Variants in CFAP46 observed in about 807,000 individuals in gnomAD.
CFAP46 encodes the protein cilia- and flagella-associated protein 46.
Under a neutral mutation model 325.7 loss-of-function variants are expected in CFAP46, and 245 were observed. The observed-to-expected ratio is 0.75, with a 90% CI of 0.68 to 0.84. The LOEUF is 0.84. Ranked by LOEUF, CFAP46 falls within the 40% of genes least tolerant of loss-of-function variation. The pLI, the probability that CFAP46 is intolerant of heterozygous loss-of-function variation, is 0.00. For missense variants in CFAP46, 3,346 were observed against 3,543.0 expected, an observed-to-expected ratio of 0.94 and a Z score of 1.41; for synonymous variants, 1,523 against 1,495.9, an observed-to-expected ratio of 1.02 and a Z score of -0.42.
intron 37 of CFAP46, among the ~76,000 whole-genome samples, 175 bp from the exon 38 acceptor site, chr10:132,859,422 T>TA (rs1323941902): frequency 6.6e-6 from 1 of 152,068 alleles, no homozygotes; most frequent in African/African-American, 2.4e-5. Flanking sequence ...TCGCATGTGA[T>TA]AAAATCAGAA....
At position 132,828,232 on chromosome 10, in the gene CFAP46, C is replaced by T. The variant is rs111350512; in HGVS notation, c.7117+5126G>A. On this transcript the variant is annotated intron_variant, in intron 50 of 57. Transcript: ENST00000368586. The surrounding 1 kb of genome is among the most constrained non-coding windows in gnomAD (Gnocchi z 4.9). ...CTCTTTGGTAGATGGAGTGGAATGA[C>T]TGCGGCATACAACAGGCCTGCTTTA... Among the ~76,000 whole-genome samples the T allele has an allele frequency of 1.3e-5, 2 of 152,352 alleles. No homozygotes were observed. Among genetic ancestry groups the T allele is most frequent in the African/African-American group, 4.8e-5 (2 of 41,578 alleles).
At chr10:132,865,262 C>T (rs1564784009) in intron 35 of CFAP46, among the ~76,000 whole-genome samples, 2 of 152,218 alleles carry the variant, frequency 1.3e-5, no homozygotes, top group Non-Finnish European at 2.9e-5. Flanking sequence ...CACCCGTGGG[C>T]CTCCATCCAT....
chr10:132,919,295 T>C lies in CFAP46; in HGVS notation c.1858+20A>G. Reference sequence around the variant, plus strand: ...CGGCCGTGGCCAGGCTGGGACACACTCGTGAGGGCGGGTACGAACCTCGCC... The same window carrying C: ...CGGCCGTGGCCAGGCTGGGACACACCCGTGAGGGCGGGTACGAACCTCGCC... On this transcript the variant is annotated intron_variant, in intron 15 of 57. Coordinates refer to ENST00000368586, the MANE Select transcript of CFAP46 (RefSeq NM_001200049.3). The surrounding 1 kb of genome is among the most constrained non-coding windows in gnomAD (Gnocchi z 9.7). The C allele has an allele frequency of 6.5e-7, 1 of 1,544,652 alleles. No homozygotes were observed. The highest frequency in any genetic ancestry group is 8.7e-7 in the Non-Finnish European group (1 of 1,143,500).
chr10:132,836,712 T>A, intron 45 of CFAP46, 105 bp downstream of exon 45: 5 of 944,370 alleles, frequency 5.3e-6, no homozygotes, highest in Non-Finnish European at 8.4e-6. Flanking sequence ...GTCCCAGGCC[T>A]CCCTGGGGTG....
At chr10:132,809,305 A>G (rs1019569073) in intron 57 of CFAP46, among the ~76,000 whole-genome samples, 2 of 152,178 alleles carry the variant, frequency 1.3e-5, no homozygotes, top group African/African-American at 4.8e-5. Flanking sequence ...CTTGCAGGTC[A>G]TCGCTGAGCA....
chr10:132,888,362 GCACC>G (rs1564791147), intron 25 of CFAP46, among the ~76,000 whole-genome samples: 3 of 43,726 alleles, frequency 6.9e-5, no homozygotes, highest in African/African-American at 3.5e-4. Context: ...CCTGCCGCCT[GCACC>G]TGCCACCTTC....
intron 50 of CFAP46, among the ~76,000 whole-genome samples, chr10:132,823,273 ATGTGTGCTG>A (rs1305698821): frequency 5.4e-5 from 4 of 73,408 alleles, no homozygotes; most frequent in Admixed American, 3.5e-4. Flanking sequence ...GTGAGTGCTG[ATGTGTGCTG>A]TGTGTGCTGT....
rs568251773 is a variant in CFAP46, at chr10:132,835,152, A to T, written c.6744+152T>A. 192 of 1,045,172 alleles carry T rather than the reference A, an allele frequency of 1.8e-4. 2 individuals are homozygous for T. In the South Asian group the frequency reaches 3.1e-3, roughly 17 times the overall value. 64.7% of individuals were successfully genotyped at this position (1,045,172 alleles called of 1,614,324 possible). A position where few individuals can be genotyped will look rare whatever the true frequency, so the allele number is the denominator to read the frequency against. Reference sequence around the variant, plus strand: ...CCCCCCACATGGAGCTTGGCCTGGGAGTTGGGCAGTGCCCGGGTGTTGGGA... The same window carrying T: ...CCCCCCACATGGAGCTTGGCCTGGGTGTTGGGCAGTGCCCGGGTGTTGGGA... On this transcript the variant is annotated intron_variant, in intron 47 of 57. Coordinates refer to ENST00000368586, the MANE Select transcript of CFAP46 (RefSeq NM_001200049.3).
rs758201682 is a variant in CFAP46 at position 132,880,955 on chromosome 10, G to A, written c.3705C>T (p.Leu1235=). 1.1e-5 allele frequency: 17 copies of A among 1,550,384 alleles called. No homozygotes were observed. Among genetic ancestry groups the A allele is most frequent in the African/African-American group, 4.1e-5 (3 of 73,032 alleles). ...GQWLHHRHFP[L]EDVVFHLRWA... ...AGCGGAGGTGGAAGACCACGTCCTCGAGAGGAAAGTGTCTGTGATGGAGCC... is the reference window on the plus strand; with the variant it reads ...AGCGGAGGTGGAAGACCACGTCCTCAAGAGGAAAGTGTCTGTGATGGAGCC... Residue 1235 remains leucine, a synonymous_variant, in exon 28 of 58, where the codon CTC becomes CTT. Transcript: ENST00000368586.
In CFAP46 at chr10:132,913,240, C is replaced by T; in HGVS notation, c.2139G>A (p.Leu713=). 2 of 1,550,388 alleles carry T rather than the reference C, an allele frequency of 1.3e-6. No homozygotes were observed. Among genetic ancestry groups the T allele is most frequent in the Non-Finnish European group, 1.7e-6 (2 of 1,146,932 alleles). ...GCCAGTTATTCATGGCACACCGGGA[C>T]AGACTCTCGATCCAGGTTCTGCAAA... ...WITYRTWIES[L]SRCAMNNWLR... Residue 713 remains leucine, a synonymous_variant, in exon 18 of 58, where the codon CTG becomes CTA. Coordinates refer to ENST00000368586, the MANE Select transcript of CFAP46 (RefSeq NM_001200049.3).
intron 11 of CFAP46, among the ~76,000 whole-genome samples, chr10:132,924,259 G>A (rs11146046): frequency 2.7e-5 from 4 of 149,576 alleles, no homozygotes; most frequent in Non-Finnish European, 6.0e-5. Context: ...ATGGTCCACC[G>A]TGATGCCTGC....
chr10:132,920,728 G>A (rs1377112392), intron 13 of CFAP46, among the ~76,000 whole-genome samples: 1 of 152,206 alleles, frequency 6.6e-6, no homozygotes, highest in Non-Finnish European at 1.5e-5. Context: ...CCAGCACAGG[G>A]GTTCACCTTC....
intron 7 of CFAP46, 67 bp downstream of exon 7, chr10:132,936,894 G>A: frequency 2.1e-6 from 2 of 957,436 alleles, no homozygotes; most frequent in Non-Finnish European, 3.0e-6. Flanking sequence ...CCATGGAGGG[G>A]ACAGAGCTCT....
intron 31 of CFAP46, among the ~76,000 whole-genome samples, chr10:132,873,116 G>A (rs531251173): frequency 7.0e-4 from 107 of 152,320 alleles, no homozygotes; most frequent in Non-Finnish European, 1.2e-3. Context: ...ACACCCTTAT[G>A]TGTTTGTTTC....
At chr10:132,854,340 G>C (rs552373757) in intron 39 of CFAP46, among the ~76,000 whole-genome samples, 1 of 151,922 alleles carries the variant, frequency 6.6e-6, no homozygotes, top group Non-Finnish European at 1.5e-5. Flanking sequence ...GTTTTGTTTT[G>C]TTTTGTTTTG....
intron 39 of CFAP46, among the ~76,000 whole-genome samples, chr10:132,852,426 CTTA>C (rs1848571060): frequency 4.8e-5 from 6 of 125,432 alleles, no homozygotes; most frequent in East Asian, 2.3e-4. Flanking sequence ...CCTCCATTTA[CTTA>C]GGAATTCTCA....
chr10:132,915,752 G>A (rs984395234), intron 17 of CFAP46, among the ~76,000 whole-genome samples: 20 of 152,322 alleles, frequency 1.3e-4, no homozygotes, highest in African/African-American at 3.8e-4. Flanking sequence ...TATGCACGGC[G>A]AGCGACTATA....
chr10:132,812,364 G>A (rs937588829), intron 55 of CFAP46, among the ~76,000 whole-genome samples: 7 of 152,218 alleles, frequency 4.6e-5, no homozygotes, highest in African/African-American at 7.2e-5. Flanking sequence ...GGTGGATGGC[G>A]AAGGGGAAGG....
At chr10:132,850,504 A>AG in intron 40 of CFAP46, 72 bp from the exon 41 acceptor site, 1 of 1,412,980 alleles carries the variant, frequency 7.1e-7, no homozygotes, top group African/African-American at 1.4e-5. Context: ...GGACCCAGTG[A>AG]GCCCGCCCTC....
Sources: gnomAD v4.1 joint callset for allele counts (sites outside exome capture counted in the v4.1 genomes callset) on GRCh38, gnomAD v4.1.1 for gene constraint, Gnocchi (gnomAD v3.1) non-coding constraint, MANE v1.5 for transcripts, NCBI Gene and HGNC (gene_info 2026-07-23, HGNC 2026-07-21) for gene names.